The following DNAJC15 variants were observed in gnomAD, a reference collection of about 807,000 sequenced individuals.
DNAJC15 encodes DnaJ heat shock protein family (Hsp40) member C15, also known as dnaJ homolog subfamily C member 15.
DNAJC15 carries 27 observed loss-of-function variants against 22.4 expected under a neutral mutation model. The observed-to-expected ratio is 1.20, with a 90% CI of 0.89 to 1.66. The LOEUF (loss-of-function observed/expected upper bound fraction) is 1.66, where lower values mean the gene tolerates loss of function less well. DNAJC15 is among the 40% of genes most tolerant of loss of function. The probability of loss-of-function intolerance (pLI) is 0.00; values close to 1 mark genes in which losing one functional copy is unlikely to be tolerated. For missense variants in DNAJC15, 208 were observed against 187.1 expected (o/e 1.11, Z -0.65); for synonymous variants, 79 against 63.2 (o/e 1.25, Z -1.19).
chr13:43,071,362 T>C (rs1447200613), intron 3 of DNAJC15, among the ~76,000 whole-genome samples: 1 of 152,232 alleles, frequency 6.6e-6, no homozygotes, highest in Non-Finnish European at 1.5e-5. Context: ...TTTCCCTCTT[T>C]GTGGGGCTCA....
intron 3 of DNAJC15, among the ~76,000 whole-genome samples, chr13:43,075,834 T>C (rs927646135): frequency 6.6e-6 from 1 of 152,122 alleles, no homozygotes; most frequent in African/African-American, 2.4e-5. Flanking sequence ...AGCTAAGTTT[T>C]TGTATCTTTA....
intron 1 of DNAJC15, among the ~76,000 whole-genome samples, chr13:43,033,402 GTGAGACCCTA>G (rs2040412917): frequency 6.6e-6 from 1 of 151,950 alleles, no homozygotes; most frequent in Non-Finnish European, 1.5e-5. Flanking sequence ...GGGTGACAGA[GTGAGACCCTA>G]CTGGAAAAAA....
Position 43,085,787 on chromosome 13 carries a change from AAGATT to A in DNAJC15, c.335_339del (p.Ile112AsnfsTer4). 6.2e-7 allele frequency: 1 copy of A among 1,613,096 alleles called. No individual in the cohort carries two copies. The highest frequency in any genetic ancestry group is 2.2e-5 in the East Asian group (1 of 44,798). ...TTACAGCCCATCTGCTGGCAAGGCT[AAGATT>A]AGAACAGCTCATAGGAGAGTCATGA... On this transcript the variant is annotated frameshift_variant, in exon 5 of 6. Coordinates refer to ENST00000379221, the MANE Select transcript of DNAJC15 (RefSeq NM_013238.3). LOFTEE classifies it high-confidence loss of function.
intron 5 of DNAJC15, among the ~76,000 whole-genome samples, chr13:43,092,933 C>A (rs762158700): frequency 1.6e-4 from 24 of 152,096 alleles, no homozygotes; most frequent in Non-Finnish European, 3.5e-4. Flanking sequence ...AAAACTGTTT[C>A]TTTAGTGACT....
At chr13:43,097,597 T>C (rs2040745866) in intron 5 of DNAJC15, among the ~76,000 whole-genome samples, 1 of 152,008 alleles carries the variant, frequency 6.6e-6, no homozygotes, top group Admixed American at 6.6e-5. Flanking sequence ...AAGAGAATGA[T>C]ACTGTTTTGG....
intron 5 of DNAJC15, among the ~76,000 whole-genome samples, chr13:43,105,515 A>T (rs2040792183): frequency 6.6e-6 from 1 of 152,198 alleles, no homozygotes; most frequent in Non-Finnish European, 1.5e-5. Flanking sequence ...ACTTAGAGTG[A>T]GTGGTAGAGA....
At chr13:43,084,834 T>C (rs912720670) in intron 4 of DNAJC15, among the ~76,000 whole-genome samples, 1 of 152,120 alleles carries the variant, frequency 6.6e-6, no homozygotes, top group African/African-American at 2.4e-5. Context: ...TGGGTTTTTT[T>C]CACAAAGCTA....
rs1198882585 is a variant in DNAJC15 at position 43,045,678 on chromosome 13, G to A, written c.109-20008G>A. Among the ~76,000 whole-genome samples, 3 of 152,114 alleles carry A rather than the reference G, an allele frequency of 2.0e-5. No homozygotes were observed. The East Asian group carries it at 5.8e-4, about 29-fold the overall frequency. On this transcript the variant is annotated intron_variant, in intron 1 of 5. Transcript: ENST00000379221. ...CATGCAGGCTCGGGCGTGGTTTTGG[G>A]CCTGGGGCCAGGCTGCCTGTCTTTG...
rs2040815409 is a variant in DNAJC15, at chr13:43,109,716, CGGGGAGAGG to C, written c.*2475_*2483del. On this transcript the variant is annotated 3_prime_UTR_variant, in exon 6 of 6. Coordinates refer to ENST00000379221, the MANE Select transcript of DNAJC15 (RefSeq NM_013238.3). ...CTACACACCGGGGCCTGTTGTGGGG[CGGGGAGAGG>C]GGGGAGGGATCGCATTTGGAGATAT... 1 of 150,916 alleles carries C rather than the reference CGGGGAGAGG, an allele frequency of 6.6e-6. No homozygotes were observed. The highest frequency in any genetic ancestry group is 2.4e-5 in the African/African-American group (1 of 41,140). The allele number at this position is 150,916 out of a possible 1,614,324, so 9.3% of individuals were successfully genotyped here. A position where few individuals can be genotyped will look rare whatever the true frequency, so the allele number is the denominator to read the frequency against.
At chr13:43,036,093 CT>C in intron 1 of DNAJC15, among the ~76,000 whole-genome samples, 1 of 151,684 alleles carries the variant, frequency 6.6e-6, no homozygotes, top group African/African-American at 2.4e-5. Context: ...TATCTGAACA[CT>C]ATTTTTCAGA....
intron 1 of DNAJC15, among the ~76,000 whole-genome samples, chr13:43,053,300 C>T (rs2040514019): frequency 6.6e-6 from 1 of 152,190 alleles, no homozygotes; most frequent in Non-Finnish European, 1.5e-5. Context: ...GTTTTGGTGA[C>T]TATGGCTTTA....
chr13:43,040,058 C>T (rs1190447938), intron 1 of DNAJC15, among the ~76,000 whole-genome samples: 1 of 152,052 alleles, frequency 6.6e-6, no homozygotes, highest in Non-Finnish European at 1.5e-5. Flanking sequence ...ACATTTAGGA[C>T]TAGTGAATTA....
At chr13:43,037,299 C>T (rs564527360) in intron 1 of DNAJC15, among the ~76,000 whole-genome samples, 148 of 152,028 alleles carry the variant, frequency 9.7e-4, no homozygotes, top group African/African-American at 3.4e-3. Flanking sequence ...AGATATAAGC[C>T]GAAAAAGAGA....
intron 5 of DNAJC15, among the ~76,000 whole-genome samples, chr13:43,104,537 C>T (rs562894854): frequency 1.3e-5 from 2 of 152,086 alleles, no homozygotes; most frequent in Admixed American, 1.3e-4. Flanking sequence ...AAGCAGAAGA[C>T]TTCTGGCCAT....
chr13:43,095,593 A>C (rs1308127709), intron 5 of DNAJC15, among the ~76,000 whole-genome samples: 1 of 152,190 alleles, frequency 6.6e-6, no homozygotes, highest in African/African-American at 2.4e-5. Flanking sequence ...AATAGGAGGA[A>C]AAAACCCCGA....
chr13:43,024,051 A>C (rs1424192961), intron 1 of DNAJC15, among the ~76,000 whole-genome samples: 1 of 152,216 alleles, frequency 6.6e-6, no homozygotes, highest in East Asian at 1.9e-4. Flanking sequence ...AGGAGGCCCT[A>C]AAAACGTCTT....
At chr13:43,034,101 T>C (rs1159277441) in intron 1 of DNAJC15, among the ~76,000 whole-genome samples, 2 of 151,774 alleles carry the variant, frequency 1.3e-5, no homozygotes, top group East Asian at 3.8e-4. Context: ...ATAAACATGT[T>C]TGTTGCAATT....
intron 1 of DNAJC15, among the ~76,000 whole-genome samples, chr13:43,024,001 A>G (rs1312398317): frequency 6.6e-6 from 1 of 152,254 alleles, no homozygotes; most frequent in Admixed American, 6.5e-5. Flanking sequence ...AATTGCAAAT[A>G]CAGTAAAATA....
At chr13:43,047,536 T>G (rs1473179120) in intron 1 of DNAJC15, among the ~76,000 whole-genome samples, 1 of 152,230 alleles carries the variant, frequency 6.6e-6, no homozygotes, top group Non-Finnish European at 1.5e-5. Flanking sequence ...TTCACATAGG[T>G]GCTGGTTATT....
Sources: gnomAD v4.1 joint callset for allele counts (sites outside exome capture counted in the v4.1 genomes callset) on GRCh38, gnomAD v4.1.1 for gene constraint, MANE v1.5 for transcripts, NCBI Gene and HGNC (gene_info 2026-07-23, HGNC 2026-07-21) for gene names.